ZSWIM7: variants seen among roughly 807,000 people sequenced by gnomAD.
ZSWIM7 encodes zinc finger SWIM-type containing 7, also known as zinc finger SWIM domain-containing protein 7.
Under a neutral mutation model 21.1 loss-of-function variants are expected in ZSWIM7, and 22 were observed. The ratio of observed to expected loss-of-function variants is 1.04; its 90% CI spans 0.74 to 1.49. The LOEUF (loss-of-function observed/expected upper bound fraction) is 1.49. Ranked by LOEUF, ZSWIM7 falls within the 40% of genes most tolerant of loss-of-function variation. ZSWIM7 has a pLI of 0.00. For synonymous variants in ZSWIM7, 67 were observed against 66.5 expected (o/e 1.01, Z -0.04); for missense variants, 193 against 168.0 (o/e 1.15, Z -0.82).
intron 2 of ZSWIM7, among the ~76,000 whole-genome samples, chr17:15,987,957 C>G (rs939322524): frequency 6.6e-6 from 1 of 152,044 alleles, no homozygotes; most frequent in African/African-American, 2.4e-5. Flanking sequence ...GATAAAGAAG[C>G]CCTCTTTATA....
intron 3 of ZSWIM7, among the ~76,000 whole-genome samples, chr17:15,985,532 A>G (rs1567790779): frequency 2.0e-5 from 3 of 152,316 alleles, no homozygotes; most frequent in Middle Eastern, 3.4e-3. Flanking sequence ...ATATTACCAT[A>G]CAATGCAACC....
chr17:15,982,181 C>T (rs1203244377), intron 3 of ZSWIM7, among the ~76,000 whole-genome samples: 1 of 151,952 alleles, frequency 6.6e-6, no homozygotes, highest in Non-Finnish European at 1.5e-5. Flanking sequence ...AGGAGAGGTA[C>T]AGGAGAAACA....
At chr17:15,989,389 C>G (rs1006920798) in intron 2 of ZSWIM7, among the ~76,000 whole-genome samples, 16 of 151,730 alleles carry the variant, frequency 1.1e-4, no homozygotes, top group Non-Finnish European at 5.9e-5. Context: ...ACAATCTCGG[C>G]TCACTGCAAC....
intron 2 of ZSWIM7, among the ~76,000 whole-genome samples, chr17:15,987,847 T>C (rs946375485): frequency 1.3e-5 from 2 of 152,082 alleles, no homozygotes. Context: ...AGACCTCAGG[T>C]GATCCACCTG....
intron 4 of ZSWIM7, among the ~76,000 whole-genome samples, chr17:15,980,653 T>C (rs4239134): frequency 0.43 from 65,077 of 151,980 alleles, 15,530 homozygotes; most frequent in Middle Eastern, 0.56. Flanking sequence ...TCAAGTGTGG[T>C]GTCAGGCTGT....
chr17:15,995,592 AAAAAAGAC>A, intron 1 of ZSWIM7, among the ~76,000 whole-genome samples: 1 of 150,244 alleles, frequency 6.7e-6, no homozygotes, highest in African/African-American at 2.5e-5. Context: ...AAAAAAAAAA[AAAAAAGAC>A]AGCAGAAATT....
rs772682155 is a variant in ZSWIM7, at chr17:15,993,768, T to C, written c.87A>G (p.Glu29=). 6.0e-5 allele frequency: 90 copies of C among 1,504,412 alleles called. No homozygotes were observed. The East Asian group carries it at 1.6e-3, about 27-fold the overall frequency. The allele number at this position is 1,504,412 out of a possible 1,614,324, so 93.2% of individuals were successfully genotyped here. Residue 29 remains glutamate (E), a synonymous_variant, in exon 2 of 5, where the codon GAA becomes GAG. Transcript: ENST00000399277. Reference sequence around the variant, plus strand: ...GTATATGTACTTACGATAACAGATATTCATCAGGAACTGTAAAATGAGAAT... The same window carrying C: ...GTATATGTACTTACGATAACAGATACTCATCAGGAACTGTAAAATGAGAAT... The part of the protein sequence containing the change: ...AVQESARIPD[E]YLLSLKFLFG...
rs999919194 is a variant in ZSWIM7 at position 15,983,117 on chromosome 17, C to T, written c.202-1973G>A. On this transcript the variant is annotated intron_variant, in intron 3 of 4. Coordinates refer to ENST00000399277, the MANE Select transcript of ZSWIM7 (RefSeq NM_001042697.2). ...ATCCCAGCACTTTGGGAGGCTGAGGCGGGTGGATCATGAGGTCAGGAGTTC... is the reference window on the plus strand; with the variant it reads ...ATCCCAGCACTTTGGGAGGCTGAGGTGGGTGGATCATGAGGTCAGGAGTTC... Among the ~76,000 whole-genome samples the T allele has an allele frequency of 5.9e-5, 9 of 151,986 alleles. 1 individual carries two copies. Among genetic ancestry groups the T allele is most frequent in the East Asian group, 3.9e-4 (2 of 5,138 alleles).
Position 15,987,246 on chromosome 17 carries a change from C to T in ZSWIM7, c.201+20G>A, listed in dbSNP as rs572909835. The T allele has an allele frequency of 5.0e-6, 8 of 1,596,078 alleles. No individual in the cohort carries two copies. In the East Asian group the frequency reaches 1.6e-4, roughly 31 times the overall value. ...CCTAAGGGGTTTCTGTAGGGATCAC[C>T]CCCATCTCTAGACTTCTACCTGGTA... On this transcript the variant is annotated intron_variant, in intron 3 of 4. Transcript: ENST00000399277.
chr17:15,991,510 T>C (rs956498234), intron 2 of ZSWIM7, among the ~76,000 whole-genome samples: 2 of 152,212 alleles, frequency 1.3e-5, no homozygotes, highest in Non-Finnish European at 2.9e-5. Flanking sequence ...TTCTTTTCTG[T>C]GGTCACTAAT....
chr17:15,997,231 TAC>T, intron 1 of ZSWIM7, among the ~76,000 whole-genome samples: 1 of 150,752 alleles, frequency 6.6e-6, no homozygotes, highest in East Asian at 1.9e-4. Flanking sequence ...CCAACAAAGA[TAC>T]AGAGAATTCC....
chr17:15,999,088 A>C (rs1162687872), intron 1 of ZSWIM7, among the ~76,000 whole-genome samples: 1 of 152,212 alleles, frequency 6.6e-6, no homozygotes. Flanking sequence ...CATTAACTTT[A>C]ATGTTAACAT....
At chr17:15,987,801 G>C (rs1035236357) in intron 2 of ZSWIM7, among the ~76,000 whole-genome samples, 2 of 152,004 alleles carry the variant, frequency 1.3e-5, no homozygotes, top group African/African-American at 4.8e-5. Flanking sequence ...GTAGAAACAG[G>C]GTTTCTCCAT....
At position 15,999,648 on chromosome 17, in the gene ZSWIM7, G is replaced by T; in HGVS notation, c.-54C>A. 6.4e-7 allele frequency: 1 copy of T among 1,565,562 alleles called. No homozygotes were observed. The highest frequency in any genetic ancestry group is 8.6e-7 in the Non-Finnish European group (1 of 1,156,314). On this transcript the variant is annotated 5_prime_UTR_variant, in exon 1 of 5. Transcript: ENST00000399277. The stretch of plus-strand genomic sequence containing the variant: ...GGCGGACCGCCGCGACGCTCCAGCT[G>T]ACTGCGCCTACCTGTGGAGGATCCT...
intron 1 of ZSWIM7, among the ~76,000 whole-genome samples, chr17:15,998,137 T>C (rs1970586350): frequency 6.6e-6 from 1 of 151,690 alleles, no homozygotes; most frequent in African/African-American, 2.4e-5. Context: ...ACTGTCAGTG[T>C]ATGGATTAAC....
chr17:15,986,021 C>T (rs1970405230), intron 3 of ZSWIM7, among the ~76,000 whole-genome samples: 1 of 151,966 alleles, frequency 6.6e-6, no homozygotes, highest in African/African-American at 2.4e-5. Flanking sequence ...AGGACAATAC[C>T]ATCCAAGTTT....
At chr17:15,979,133 C>CG (rs1224779856) in intron 4 of ZSWIM7, among the ~76,000 whole-genome samples, 2 of 151,308 alleles carry the variant, frequency 1.3e-5, no homozygotes, top group African/African-American at 4.9e-5. Context: ...GAGGACCCTG[C>CG]GGCCTTCCGC....
At chr17:15,997,646 T>C (rs1310237256) in intron 1 of ZSWIM7, among the ~76,000 whole-genome samples, 1 of 152,006 alleles carries the variant, frequency 6.6e-6, no homozygotes, top group Non-Finnish European at 1.5e-5. Context: ...AACTATATAT[T>C]AATAGAAAAA....
At position 15,993,468 on chromosome 17, in the gene ZSWIM7, G is replaced by A. The variant is rs185662417; in HGVS notation, c.98+289C>T. Among the ~76,000 whole-genome samples, 442 of 151,916 alleles carry A rather than the reference G, an allele frequency of 2.9e-3. 4 individuals carry two copies. Among genetic ancestry groups the A allele is most frequent in the African/African-American group, 9.9e-3 (408 of 41,408 alleles). ...TGCAACCTCCACCTCCCAGGTTCAA[G>A]TGATTCTCCTGCCTTAGCCTCCTGA... On this transcript the variant is annotated intron_variant, in intron 2 of 4. Coordinates refer to ENST00000399277, the MANE Select transcript of ZSWIM7 (RefSeq NM_001042697.2).
Sources: allele counts gnomAD v4.1 joint callset (sites outside exome capture counted in the v4.1 genomes callset), GRCh38; gene constraint gnomAD v4.1.1; transcripts MANE v1.5; gene names NCBI Gene and HGNC (gene_info 2026-07-23, HGNC 2026-07-21).